Variants in ELMO1 observed in about 807,000 individuals in gnomAD.
ELMO1 encodes engulfment and cell motility 1.
A neutral mutation model predicts 98.9 loss-of-function variants in ELMO1; 26 were observed. That is an observed-to-expected ratio of 0.26 (90% CI 0.19 to 0.36). The LOEUF is 0.36. Among genes scored for constraint, ELMO1 ranks in the 10% least tolerant of loss-of-function variants. ELMO1 has a pLI of 1.00. For missense variants in ELMO1, 627 were observed against 935.2 expected, an observed-to-expected ratio of 0.67 and a Z score of 4.30; for synonymous variants, 346 against 346.0, an observed-to-expected ratio of 1.00 and a Z score of 0.00.
intron 6 of ELMO1, among the ~76,000 whole-genome samples, chr7:37,245,248 G>A (rs566606979): frequency 1.3e-5 from 2 of 152,250 alleles, no homozygotes; most frequent in African/African-American, 4.8e-5. Flanking sequence ...CAGGCCACAG[G>A]CCCTGAGGAC....
chr7:37,287,371 T>A (rs1407410232), intron 4 of ELMO1, among the ~76,000 whole-genome samples: 1 of 152,176 alleles, frequency 6.6e-6, no homozygotes, highest in Non-Finnish European at 1.5e-5. Flanking sequence ...AAGTTTTATG[T>A]ACAAAAACAG....
intron 13 of ELMO1, among the ~76,000 whole-genome samples, chr7:37,166,904 T>C (rs1428003492): frequency 6.6e-6 from 1 of 152,150 alleles, no homozygotes; most frequent in East Asian, 1.9e-4. Flanking sequence ...GTTAACTTTC[T>C]ATCTCGTCGA....
intron 16 of ELMO1, among the ~76,000 whole-genome samples, chr7:36,980,741 T>C (rs1169745113): frequency 1.3e-5 from 2 of 152,192 alleles, no homozygotes; most frequent in Non-Finnish European, 1.5e-5. Context: ...TTTCCCAGCA[T>C]CTCTGCACTC....
intron 16 of ELMO1, among the ~76,000 whole-genome samples, chr7:37,000,716 G>A (rs1792604291): frequency 6.6e-6 from 1 of 152,090 alleles, no homozygotes; most frequent in Admixed American, 6.6e-5. Flanking sequence ...AGTCACATTT[G>A]TCCTTTGCAC....
At chr7:37,201,812 G>T (rs1792314116) in intron 13 of ELMO1, among the ~76,000 whole-genome samples, 1 of 152,222 alleles carries the variant, frequency 6.6e-6, no homozygotes, top group Non-Finnish European at 1.5e-5. Flanking sequence ...TTCCTGGCTT[G>T]TTGGGGCCAG....
chr7:37,323,752 T>C (rs993772242), intron 2 of ELMO1, among the ~76,000 whole-genome samples: 1 of 152,184 alleles, frequency 6.6e-6, no homozygotes, highest in Non-Finnish European at 1.5e-5. Flanking sequence ...TTCTTTTTCC[T>C]TTGCCCATAA....
intron 2 of ELMO1, among the ~76,000 whole-genome samples, chr7:37,330,470 T>C (rs1490920473): frequency 1.3e-5 from 2 of 152,188 alleles, no homozygotes; most frequent in African/African-American, 2.4e-5. Flanking sequence ...TATTAACATA[T>C]ACAGTAGTCC....
intron 16 of ELMO1, among the ~76,000 whole-genome samples, chr7:36,940,806 C>T (rs747404521): frequency 1.3e-5 from 2 of 152,346 alleles, no homozygotes; most frequent in East Asian, 3.9e-4. Flanking sequence ...GGGGACTCTA[C>T]AACAAGAGTT....
intron 16 of ELMO1, among the ~76,000 whole-genome samples, chr7:36,964,202 C>T (rs1789208791): frequency 6.6e-6 from 1 of 152,036 alleles, no homozygotes; most frequent in Non-Finnish European, 1.5e-5. Flanking sequence ...TACAAATATT[C>T]CTTGACTTAT....
chr7:36,926,213 T>A (rs1418035122), intron 16 of ELMO1, among the ~76,000 whole-genome samples: 1 of 152,294 alleles, frequency 6.6e-6, no homozygotes, highest in East Asian at 1.9e-4. Context: ...TGAGAGTCCA[T>A]CCTCATCTCT....
At chr7:37,393,182 A>C (rs1803155237) in intron 1 of ELMO1, among the ~76,000 whole-genome samples, 1 of 152,196 alleles carries the variant, frequency 6.6e-6, no homozygotes, top group Non-Finnish European at 1.5e-5. Context: ...ATTCACAAGA[A>C]ATTGCAGATA....
At chr7:37,083,543 G>C (rs1344491610) in intron 15 of ELMO1, among the ~76,000 whole-genome samples, 1 of 152,220 alleles carries the variant, frequency 6.6e-6, no homozygotes, top group African/African-American at 2.4e-5. Context: ...GAAAAAAAAT[G>C]TGATTCACAC....
intron 16 of ELMO1, among the ~76,000 whole-genome samples, chr7:36,935,278 C>T (rs1346458520): frequency 6.6e-6 from 1 of 152,134 alleles, no homozygotes; most frequent in South Asian, 2.1e-4. Flanking sequence ...CACCTTCTGC[C>T]ATGATGGTGA....
rs116237232 is a variant in ELMO1 at position 36,973,851 on chromosome 7, C to T, written c.1437+39448G>A. Among the ~76,000 whole-genome samples, 1,212 of 152,350 alleles carry T rather than the reference C, an allele frequency of 8.0e-3. 11 individuals carry two copies. The highest frequency in any genetic ancestry group is 0.027 in the African/African-American group (1,134 of 41,578). On this transcript the variant is annotated intron_variant, in intron 16 of 21. Transcript: ENST00000310758. ...CCGCACTCGGAGCAGCCGGCCCTGC[C>T]GTTGCCGAGCAATGAGGGGCTTAGC...
chr7:37,191,401 A>G (rs1791568411), intron 13 of ELMO1, among the ~76,000 whole-genome samples: 1 of 152,144 alleles, frequency 6.6e-6, no homozygotes. Flanking sequence ...GAAACAAGGA[A>G]GTACTTAAAA....
At chr7:37,231,835 T>C (rs987753610) in intron 8 of ELMO1, among the ~76,000 whole-genome samples, 1 of 152,132 alleles carries the variant, frequency 6.6e-6, no homozygotes, top group African/African-American at 2.4e-5. Flanking sequence ...GAAGGGCTTA[T>C]AGGAACAGTC....
At chr7:36,899,584 C>T (rs994998982) in intron 16 of ELMO1, among the ~76,000 whole-genome samples, 1 of 151,658 alleles carries the variant, frequency 6.6e-6, no homozygotes, top group African/African-American at 2.4e-5. Flanking sequence ...CTTTAGAACC[C>T]AACACGTGAT....
intron 15 of ELMO1, among the ~76,000 whole-genome samples, chr7:37,014,443 CTTTAATT>C (rs1230923032): frequency 2.6e-5 from 4 of 152,016 alleles, no homozygotes; most frequent in Admixed American, 6.6e-5. Context: ...AAAAATATCA[CTTTAATT>C]TCTGGGATAC....
At chr7:37,361,858 A>G (rs1187190102) in intron 1 of ELMO1, among the ~76,000 whole-genome samples, 2 of 152,158 alleles carry the variant, frequency 1.3e-5, no homozygotes, top group African/African-American at 4.8e-5. Context: ...CCTACTTGGG[A>G]GGCTGAGGTG....
Sources: allele counts gnomAD v4.1 joint callset (sites outside exome capture counted in the v4.1 genomes callset), GRCh38; gene constraint gnomAD v4.1.1; transcripts MANE v1.5; gene names NCBI Gene and HGNC (gene_info 2026-07-23, HGNC 2026-07-21).